The following ETV3 variants were observed in gnomAD, a reference collection of about 807,000 sequenced individuals.
ETV3 encodes the protein ETS translocation variant 3.
ETV3 carries 8 observed loss-of-function variants against 33.0 expected under a neutral mutation model. The ratio of observed to expected loss-of-function variants is 0.24; its 90% confidence interval spans 0.14 to 0.44. ETV3 has a LOEUF of 0.44. ETV3 is among the 20% of genes least tolerant of loss of function. ETV3 has a pLI of 1.00. For synonymous variants in ETV3, 222 were observed against 238.9 expected (o/e 0.93, Z 0.65); for missense variants, 473 against 652.3 (o/e 0.73, Z 2.99).
intron 4 of ETV3, among the ~76,000 whole-genome samples, chr1:157,126,910 G>C (rs936315337): frequency 1.3e-5 from 2 of 149,692 alleles, no homozygotes; most frequent in Non-Finnish European, 3.0e-5. Flanking sequence ...ACTGTGGGGA[G>C]GGGCAGAGCT....
chr1:157,134,929 C>T (rs532862601), intron 3 of ETV3, among the ~76,000 whole-genome samples: 3 of 152,160 alleles, frequency 2.0e-5, no homozygotes, highest in African/African-American at 4.8e-5. Flanking sequence ...AATGTAAGAC[C>T]GACAAGGGGA....
intron 2 of ETV3, 113 bp downstream of exon 2, chr1:157,136,194 G>A (rs887673808): frequency 9.7e-6 from 10 of 1,033,284 alleles, no homozygotes; most frequent in Non-Finnish European, 1.5e-5. Flanking sequence ...TATCCACCTA[G>A]CCAAGAGAGT....
intron 2 of ETV3, 61 bp from the exon 3 acceptor site, chr1:157,135,769 C>A: frequency 6.7e-7 from 1 of 1,483,238 alleles, no homozygotes; most frequent in Non-Finnish European, 9.4e-7. Context: ...ATACCAGCAA[C>A]CCCAACTGCA....
intron 4 of ETV3, among the ~76,000 whole-genome samples, chr1:157,132,983 C>T (rs762098432): frequency 3.9e-5 from 6 of 152,154 alleles, no homozygotes; most frequent in Non-Finnish European, 7.4e-5. Flanking sequence ...GCATTCTTTG[C>T]CTTAGCATAC....
In ETV3 at chr1:157,121,220, C is replaced by T; in HGVS notation, c.*3621G>A. The T allele has an allele frequency of 6.6e-6, 1 of 152,110 alleles. No individual in the cohort carries two copies. Among genetic ancestry groups the T allele is most frequent in the South Asian group, 2.1e-4 (1 of 4,814 alleles). The allele number at this position is 152,110 out of a possible 1,614,324, so 9.4% of individuals were successfully genotyped here. ...TTAAAAGTATTTTTTTATTTAATTTCTGAGGTAAAATACTTTTTTCTTTCA... is the reference window on the plus strand; with the variant it reads ...TTAAAAGTATTTTTTTATTTAATTTTTGAGGTAAAATACTTTTTTCTTTCA... On this transcript the variant is annotated 3_prime_UTR_variant, in exon 5 of 5. Transcript: ENST00000368192.
At chr1:157,133,814 ACAAACCTATGAAACATCATTCC>A in intron 4 of ETV3, 1 of 1,144,664 alleles carries the variant, frequency 8.7e-7, no homozygotes, top group Non-Finnish European at 1.1e-6. Flanking sequence ...AAAGATCATC[ACAAACCTATGAAACATCATTCC>A]CAAACAAGAT....
intron 4 of ETV3, chr1:157,133,492 G>A: frequency 1.0e-6 from 1 of 985,820 alleles, no homozygotes; most frequent in Non-Finnish European, 1.2e-6. Context: ...GAGAGAATGT[G>A]GGGAGCTGTG....
intron 2 of ETV3, among the ~76,000 whole-genome samples, chr1:157,136,030 A>G (rs911247040): frequency 1.3e-5 from 2 of 152,196 alleles, no homozygotes; most frequent in Non-Finnish European, 2.9e-5. Context: ...AGATAAACTA[A>G]TGTTTCAGGA....
At chr1:157,129,370 T>C (rs1386183391) in intron 4 of ETV3, among the ~76,000 whole-genome samples, 4 of 152,270 alleles carry the variant, frequency 2.6e-5, no homozygotes, top group Non-Finnish European at 5.9e-5. Flanking sequence ...GACTAAGTTA[T>C]AATTTGGGAT....
chr1:157,134,326 T>C, intron 3 of ETV3, 99 bp from the exon 4 acceptor site: 1 of 1,461,932 alleles, frequency 6.8e-7, no homozygotes, highest in Non-Finnish European at 9.1e-7. Context: ...GCTCTGAGTA[T>C]TACTTACAAA....
intron 4 of ETV3, among the ~76,000 whole-genome samples, chr1:157,131,314 C>G (rs1227468004): frequency 6.6e-6 from 1 of 152,174 alleles, no homozygotes; most frequent in Non-Finnish European, 1.5e-5. Context: ...ATACAGGATG[C>G]TTTTCATGAT....
chr1:157,134,195 G>T lies in ETV3; in HGVS notation c.317C>A (p.Thr106Lys), dbSNP rs754188589. The change falls in exon 4 of 5, where the codon ACA (threonine) becomes AAA (lysine). Residue 106 changes from threonine to lysine, a missense_variant. Transcript: ENST00000368192. ...TTTATAGGTAAATCTTTTCCCTTTT[G>T]TTTTATGAAGGATCCTCTTGTTGTA... ...YYYNKRILHK[T>K]KGKRFTYKFN... is the part of the protein sequence containing the mutation. 2 of 1,613,516 alleles carry T rather than the reference G, an allele frequency of 1.2e-6. No individual in the cohort carries two copies. The highest frequency in any genetic ancestry group is 1.7e-6 in the Non-Finnish European group (2 of 1,179,738).
At chr1:157,126,750 GCGGAGGGGCAGAGC>G (rs1674847032) in intron 4 of ETV3, among the ~76,000 whole-genome samples, 1 of 146,452 alleles carries the variant, frequency 6.8e-6, no homozygotes, top group African/African-American at 2.5e-5. Context: ...GGCTGACTGT[GCGGAGGGGCAGAGC>G]TGCCCTGGCT....
chr1:157,129,070 G>C (rs528255864), intron 4 of ETV3, among the ~76,000 whole-genome samples: 11 of 152,310 alleles, frequency 7.2e-5, no homozygotes, highest in Non-Finnish European at 1.2e-4. Flanking sequence ...TTAGAACCAA[G>C]CAAGATTCAC....
chr1:157,121,969 A>G lies in ETV3; in HGVS notation c.*2872T>C, dbSNP rs1206618724. On this transcript the variant is annotated 3_prime_UTR_variant, in exon 5 of 5. Coordinates refer to ENST00000368192, the MANE Select transcript of ETV3 (RefSeq NM_001145312.3). Reference sequence around the variant, plus strand: ...CAGCAAGGCTGGATGCCATTAAGAGATATTTACTGTTTTCTTTTTCTATAG... The same window carrying G: ...CAGCAAGGCTGGATGCCATTAAGAGGTATTTACTGTTTTCTTTTTCTATAG... 2.0e-5 allele frequency: 3 copies of G among 152,210 alleles called. No homozygotes were observed. The highest frequency in any genetic ancestry group is 4.4e-5 in the Non-Finnish European group (3 of 68,042). 9.4% of individuals were successfully genotyped at this position (152,210 alleles called of 1,614,324 possible).
chr1:157,133,929 T>C (rs1571701428), intron 4 of ETV3, 183 bp downstream of exon 4: 3 of 1,413,560 alleles, frequency 2.1e-6, no homozygotes, highest in East Asian at 5.2e-5. Flanking sequence ...ATCTTGATAC[T>C]GAATAGCCTA....
At chr1:157,131,706 A>G (rs1674972550) in intron 4 of ETV3, among the ~76,000 whole-genome samples, 1 of 152,244 alleles carries the variant, frequency 6.6e-6, no homozygotes, top group Non-Finnish European at 1.5e-5. Context: ...TGTGGATATC[A>G]AGACATTCAC....
rs1441031317 is a variant in ETV3 at position 157,122,705 on chromosome 1, G to A, written c.*2136C>T. 1 of 152,106 alleles carries A rather than the reference G, an allele frequency of 6.6e-6. No homozygotes were observed. The highest frequency in any genetic ancestry group is 1.5e-5 in the Non-Finnish European group (1 of 68,024). 9.4% of individuals were successfully genotyped at this position (152,106 alleles called of 1,614,324 possible). On this transcript the variant is annotated 3_prime_UTR_variant, in exon 5 of 5. Coordinates refer to ENST00000368192, the MANE Select transcript of ETV3 (RefSeq NM_001145312.3). ...CCAGCCAGCCTCCCTGGTTAGATTGGGCAATGCCAAGCAGACATCCCTCAT... is the reference window on the plus strand; with the variant it reads ...CCAGCCAGCCTCCCTGGTTAGATTGAGCAATGCCAAGCAGACATCCCTCAT...
rs554183853 is a variant in ETV3 at position 157,122,545 on chromosome 1, C to T, written c.*2296G>A. On this transcript the variant is annotated 3_prime_UTR_variant, in exon 5 of 5. Coordinates refer to ENST00000368192, the MANE Select transcript of ETV3 (RefSeq NM_001145312.3). ...CAAACAGAAGCAGCATCTAGGAATTCTGGCACTTGGGTTCTAGGGGGTTAC... is the reference window on the plus strand; with the variant it reads ...CAAACAGAAGCAGCATCTAGGAATTTTGGCACTTGGGTTCTAGGGGGTTAC... The T allele has an allele frequency of 6.6e-6, 1 of 152,044 alleles. No homozygotes were observed. Among genetic ancestry groups the T allele is most frequent in the Admixed American group, 6.6e-5 (1 of 15,264 alleles). The allele number at this position is 152,044 out of a possible 1,614,324, so 9.4% of individuals were successfully genotyped here. A position where few individuals can be genotyped will look rare whatever the true frequency, so the allele number is the denominator to read the frequency against.
Sources: gnomAD v4.1 joint callset for allele counts (sites outside exome capture counted in the v4.1 genomes callset) on GRCh38, gnomAD v4.1.1 for gene constraint, MANE v1.5 for transcripts, NCBI Gene and HGNC (gene_info 2026-07-23, HGNC 2026-07-21) for gene names.